The following WNK2 variants were observed in gnomAD, a reference collection of about 807,000 sequenced individuals.
WNK2 encodes serine/threonine-protein kinase WNK2.
Under a neutral mutation model 192.1 loss-of-function variants are expected in WNK2, and 67 were observed. The observed-to-expected ratio is 0.35, with a 90% CI of 0.29 to 0.43. The LOEUF is 0.43. Among genes scored for constraint, WNK2 ranks in the 20% least tolerant of loss-of-function variants. The pLI, the probability that WNK2 is intolerant of heterozygous loss-of-function variation, is 1.00. For synonymous variants in WNK2, 1,439 were observed against 1,393.9 expected (o/e 1.03, Z -0.72); for missense variants, 2,698 against 3,089.7 (o/e 0.87, Z 3.01).
chr9:93,261,011 G>A (rs1844141185), intron 12 of WNK2, among the ~76,000 whole-genome samples: 2 of 152,158 alleles, frequency 1.3e-5, no homozygotes, highest in Non-Finnish European at 2.9e-5. Flanking sequence ...CTGGGGAAGG[G>A]TCCAGAAGTC....
intron 28 of WNK2, among the ~76,000 whole-genome samples, chr9:93,311,367 C>G (rs1853615987): frequency 6.6e-6 from 1 of 152,184 alleles, no homozygotes; most frequent in Non-Finnish European, 1.5e-5. Flanking sequence ...TGGCTTCCAT[C>G]TTTTAGCTGT....
At chr9:93,296,023 T>A (rs1332127623) in intron 23 of WNK2, among the ~76,000 whole-genome samples, 2 of 63,624 alleles carry the variant, frequency 3.1e-5, no homozygotes, top group African/African-American at 1.3e-4. Flanking sequence ...CCCCTCACCT[T>A]CCTCCCCTCT....
At chr9:93,266,488 G>C (rs903002842) in intron 16 of WNK2, among the ~76,000 whole-genome samples, 12 of 152,156 alleles carry the variant, frequency 7.9e-5, no homozygotes, top group African/African-American at 2.7e-4. Flanking sequence ...GTTGCAAAGG[G>C]GTTCTAGTTC....
At chr9:93,202,473 G>A (rs567752788) in intron 2 of WNK2, among the ~76,000 whole-genome samples, 3 of 152,262 alleles carry the variant, frequency 2.0e-5, no homozygotes, top group South Asian at 4.1e-4. Flanking sequence ...CACCTGTCCC[G>A]TGGGCGGTCA....
chr9:93,295,552 A>G (rs1188312507), intron 23 of WNK2, among the ~76,000 whole-genome samples: 1 of 151,922 alleles, frequency 6.6e-6, no homozygotes, highest in Non-Finnish European at 1.5e-5. Flanking sequence ...TTTTCTTGCC[A>G]TCAAAGGAAG....
chr9:93,209,848 G>A (rs187662677), intron 2 of WNK2, among the ~76,000 whole-genome samples: 22 of 152,318 alleles, frequency 1.4e-4, no homozygotes, highest in African/African-American at 5.3e-4. Context: ...TCCAGGAAGC[G>A]AGTGGGGCTG....
chr9:93,280,785 G>A (rs556693529), intron 19 of WNK2, among the ~76,000 whole-genome samples: 1 of 152,300 alleles, frequency 6.6e-6, no homozygotes, highest in South Asian at 2.1e-4. Flanking sequence ...TGTGGCAGAA[G>A]CTTCCAAACT....
chr9:93,308,284 G>T, intron 27 of WNK2, 44 bp from the exon 28 acceptor site: 2 of 1,530,568 alleles, frequency 1.3e-6, no homozygotes, highest in South Asian at 2.5e-5. Flanking sequence ...GGGCCTGGGT[G>T]CGTGTGTGGC....
chr9:93,215,540 C>T (rs1835597886), intron 2 of WNK2, among the ~76,000 whole-genome samples: 1 of 152,108 alleles, frequency 6.6e-6, no homozygotes, highest in Admixed American at 6.5e-5. Flanking sequence ...TGCATTTGTC[C>T]ATGTTTCAGT....
chr9:93,319,203 C>G, intron 29 of WNK2: 1 of 1,612,584 alleles, frequency 6.2e-7, no homozygotes, highest in Non-Finnish European at 8.5e-7. Context: ...CACTTTTGCT[C>G]GAAAACAGTG....
intron 19 of WNK2, among the ~76,000 whole-genome samples, chr9:93,286,409 A>AG: frequency 6.6e-6 from 1 of 152,210 alleles, no homozygotes; most frequent in Middle Eastern, 3.2e-3. Flanking sequence ...ACACAGGAGA[A>AG]GGTACTCAAT....
intron 18 of WNK2, among the ~76,000 whole-genome samples, chr9:93,268,338 G>T (rs994056609): frequency 6.6e-6 from 1 of 152,196 alleles, no homozygotes. Context: ...GGCACCCCAG[G>T]TTCTGCTGTG....
rs540818950 is a variant in WNK2, at chr9:93,261,903, G to A, written c.3156G>A (p.Pro1052=). 3.7e-6 allele frequency: 6 copies of A among 1,605,594 alleles called. No individual in the cohort carries two copies. Among genetic ancestry groups the A allele is most frequent in the East Asian group, 2.2e-5 (1 of 44,868 alleles). Residue 1052 remains proline (P), a synonymous_variant, in exon 13 of 30, where the codon CCG becomes CCA. Transcript: ENST00000427277. ...VPVPPAAVLS[P]PLPEVLLPAA... ...TGCCACCGGCTGCGGTCCTCTCGCC[G>A]CCTCTGCCGGAAGTGCTGCTGCCTG... is the stretch of plus-strand genomic sequence containing the variant.
intron 12 of WNK2, 31 bp from the exon 13 acceptor site, chr9:93,261,783 C>G: frequency 6.4e-7 from 1 of 1,565,700 alleles, no homozygotes; most frequent in Non-Finnish European, 8.6e-7. Context: ...AGCGCCGGCC[C>G]TGACTTGCAC....
chr9:93,228,975 G>T (rs1414744820), intron 2 of WNK2, among the ~76,000 whole-genome samples: 2 of 152,232 alleles, frequency 1.3e-5, no homozygotes, highest in Admixed American at 1.3e-4. Flanking sequence ...TGGGGTTGGT[G>T]GTTCCCTTGT....
intron 19 of WNK2, among the ~76,000 whole-genome samples, chr9:93,288,288 T>C (rs1247842191): frequency 1.3e-5 from 2 of 152,220 alleles, no homozygotes; most frequent in African/African-American, 2.4e-5. Flanking sequence ...ACTGGGGGTC[T>C]GAAGGCTTCA....
chr9:93,198,991 G>A (rs1311264874), intron 2 of WNK2, among the ~76,000 whole-genome samples: 1 of 152,208 alleles, frequency 6.6e-6, no homozygotes. Context: ...GCTCGGTTCG[G>A]GGTGGGTGGA....
chr9:93,253,106 C>G, intron 9 of WNK2, 24 bp downstream of exon 9: 1 of 1,376,590 alleles, frequency 7.3e-7, no homozygotes, highest in Non-Finnish European at 9.4e-7. Context: ...TCACTCCCAC[C>G]CCCTTCCCCA....
intron 23 of WNK2, 22 bp from the exon 24 acceptor site, chr9:93,297,831 T>G (rs1564201277): frequency 6.4e-7 from 1 of 1,554,028 alleles, no homozygotes; most frequent in Non-Finnish European, 8.7e-7. Context: ...CCATCGGCGC[T>G]CCCTCCTGTC....
Sources: allele counts gnomAD v4.1 joint callset (sites outside exome capture counted in the v4.1 genomes callset), GRCh38; gene constraint gnomAD v4.1.1; transcripts MANE v1.5; gene names NCBI Gene and HGNC (gene_info 2026-07-23, HGNC 2026-07-21).